The following CPE variants were observed in gnomAD, a reference collection of about 807,000 sequenced individuals.
CPE encodes the protein carbocypeptidase E.
CPE carries 17 observed loss-of-function variants against 53.5 expected under a neutral mutation model. The observed-to-expected ratio is 0.32, with a 90% CI of 0.22 to 0.48. The LOEUF (loss-of-function observed/expected upper bound fraction) is 0.48. Among genes scored for constraint, CPE ranks in the 20% least tolerant of loss-of-function variants. The pLI is 0.99. For synonymous variants in CPE, 226 were observed against 228.8 expected (o/e 0.99, Z 0.11); for missense variants, 524 against 614.7 (o/e 0.85, Z 1.56).
chr4:165,416,096 G>A (rs946483670), intron 1 of CPE, among the ~76,000 whole-genome samples: 8 of 152,208 alleles, frequency 5.3e-5, no homozygotes, highest in African/African-American at 1.9e-4. Flanking sequence ...TCCCCTGCCA[G>A]CTCAGCTACT....
At chr4:165,392,468 A>G (rs1730698799) in intron 1 of CPE, among the ~76,000 whole-genome samples, 1 of 145,940 alleles carries the variant, frequency 6.9e-6, no homozygotes, top group Non-Finnish European at 1.5e-5. Flanking sequence ...GTAATATGTA[A>G]TATACATATA....
Position 165,379,437 on chromosome 4 carries a change from C to T in CPE, c.216C>T (p.Ala72=). ...ALVSVWLQCT[A]ISRIYTVGRS... is the part of the protein sequence containing the mutation. ...TGTCCGTGTGGCTGCAGTGCACCGCCATCAGCAGGATTTACACGGTGGGGC... is the reference window on the plus strand; with the variant it reads ...TGTCCGTGTGGCTGCAGTGCACCGCTATCAGCAGGATTTACACGGTGGGGC... Residue 72 remains alanine, a synonymous_variant, in exon 1 of 9, where the codon GCC becomes GCT. Transcript: ENST00000402744. The surrounding 1 kb of genome is among the most constrained non-coding windows in gnomAD (Gnocchi z 6.0). The T allele has an allele frequency of 6.2e-7, 1 of 1,610,372 alleles. No homozygotes were observed. The highest frequency in any genetic ancestry group is 8.5e-7 in the Non-Finnish European group (1 of 1,178,814).
chr4:165,380,438 A>T (rs950570757), intron 1 of CPE, among the ~76,000 whole-genome samples: 1 of 152,200 alleles, frequency 6.6e-6, no homozygotes, highest in Admixed American at 6.5e-5. Flanking sequence ...TAGTATTAAT[A>T]AAGAGGTATT....
chr4:165,434,590 G>A (rs111453129), intron 1 of CPE, among the ~76,000 whole-genome samples: 1 of 151,970 alleles, frequency 6.6e-6, no homozygotes, highest in Admixed American at 6.6e-5. Context: ...TAAAGAACTC[G>A]GTGGAACGAT....
chr4:165,477,560 A>G (rs886068894), intron 3 of CPE, among the ~76,000 whole-genome samples: 4 of 152,100 alleles, frequency 2.6e-5, no homozygotes, highest in Admixed American at 2.6e-4. Flanking sequence ...CATTAATGTT[A>G]TTATACATTC....
chr4:165,394,257 G>T (rs1730729813), intron 1 of CPE, among the ~76,000 whole-genome samples: 1 of 152,158 alleles, frequency 6.6e-6, no homozygotes, highest in African/African-American at 2.4e-5. Context: ...ATCCAAGATT[G>T]CCCAAGGAAG....
intron 2 of CPE, among the ~76,000 whole-genome samples, chr4:165,466,707 G>A (rs1732110478): frequency 1.3e-5 from 2 of 151,766 alleles, no homozygotes; most frequent in Admixed American, 1.3e-4. Flanking sequence ...TATTAGAGAC[G>A]GGGTTTCATC....
chr4:165,469,777 G>A (rs1328330453), intron 3 of CPE, among the ~76,000 whole-genome samples: 1 of 152,188 alleles, frequency 6.6e-6, no homozygotes, highest in African/African-American at 2.4e-5. Context: ...GCAGTAGGCT[G>A]AGGGCCTGTT....
rs540833874 is a variant in CPE at position 165,435,248 on chromosome 4, C to T, written c.308-29142C>T. Among the ~76,000 whole-genome samples the T allele has an allele frequency of 2.0e-5, 3 of 152,252 alleles. No individual in the cohort carries two copies. The East Asian group carries it at 5.8e-4, about 29-fold the overall frequency. On this transcript the variant is annotated intron_variant, in intron 1 of 8. Coordinates refer to ENST00000402744, the MANE Select transcript of CPE (RefSeq NM_001873.4). Reference sequence around the variant, plus strand: ...AAAAAAGATGGAAAAGCAAGAGTCTCAAATAAGTTATACAGCCTCAATGAA... The same window carrying T: ...AAAAAAGATGGAAAAGCAAGAGTCTTAAATAAGTTATACAGCCTCAATGAA...
chr4:165,471,904 T>C (rs1462453140), intron 3 of CPE, among the ~76,000 whole-genome samples: 1 of 152,248 alleles, frequency 6.6e-6, no homozygotes, highest in African/African-American at 2.4e-5. Flanking sequence ...GTTTCTCCAA[T>C]TGTGCCTTGT....
chr4:165,430,304 G>T (rs188339313), intron 1 of CPE, among the ~76,000 whole-genome samples: 274 of 152,236 alleles, frequency 1.8e-3, no homozygotes, highest in African/African-American at 6.0e-3. Flanking sequence ...ATGTCACTTT[G>T]GGAAATTTGC....
intron 1 of CPE, among the ~76,000 whole-genome samples, chr4:165,432,802 G>T (rs562199093): frequency 9.9e-5 from 15 of 151,932 alleles, no homozygotes; most frequent in South Asian, 2.1e-4. Context: ...AGCGCAACCC[G>T]CCCCCAGCTG....
intron 1 of CPE, among the ~76,000 whole-genome samples, chr4:165,432,949 G>T (rs1385703483): frequency 1.3e-5 from 2 of 152,108 alleles, no homozygotes; most frequent in Non-Finnish European, 2.9e-5. Context: ...CGCCAACCTA[G>T]TCCAAGCCAA....
rs537370598 is a variant in CPE, at chr4:165,434,181, T to A, written c.308-30209T>A. 2.8e-4 allele frequency among the ~76,000 whole-genome samples: 42 copies of A among 152,334 alleles called. No homozygotes were observed. The South Asian group carries it at 8.5e-3, about 31-fold the overall frequency. On this transcript the variant is annotated intron_variant, in intron 1 of 8. Coordinates refer to ENST00000402744, the MANE Select transcript of CPE (RefSeq NM_001873.4). Reference sequence around the variant, plus strand: ...AATCTTTGTGTGACTGTCTAGCATTTAGCTCCTTGCTAAACTGTCAACTCC... The same window carrying A: ...AATCTTTGTGTGACTGTCTAGCATTAAGCTCCTTGCTAAACTGTCAACTCC...
At position 165,458,703 on chromosome 4, in the gene CPE, T is replaced by C. The variant is rs149501647; in HGVS notation, c.308-5687T>C. Among the ~76,000 whole-genome samples, 1,107 of 152,332 alleles carry C rather than the reference T, an allele frequency of 7.3e-3. 12 individuals are homozygous for C. The highest frequency in any genetic ancestry group is 0.025 in the African/African-American group (1,055 of 41,574). On this transcript the variant is annotated intron_variant, in intron 1 of 8. Transcript: ENST00000402744. ...TGGATATTTTCCCTCTGCTGTTTTC[T>C]TCCTATAGAAAGGCCATTGAATAAT...
intron 1 of CPE, among the ~76,000 whole-genome samples, chr4:165,431,802 T>A (rs567720031): frequency 6.6e-6 from 1 of 151,718 alleles, no homozygotes; most frequent in South Asian, 2.1e-4. Flanking sequence ...AGCCACAGAG[T>A]AATAAAAATA....
chr4:165,411,313 T>C (rs1289643750), intron 1 of CPE, among the ~76,000 whole-genome samples: 1 of 152,228 alleles, frequency 6.6e-6, no homozygotes, highest in African/African-American at 2.4e-5. Context: ...CAACTTTTTC[T>C]TTTTCAATCC....
intron 1 of CPE, among the ~76,000 whole-genome samples, chr4:165,382,236 G>A (rs1465298756): frequency 6.6e-6 from 1 of 152,086 alleles, no homozygotes; most frequent in East Asian, 1.9e-4. Flanking sequence ...AGGGAGACTG[G>A]ATTATTGAAG....
chr4:165,467,481 A>G (rs890317013), intron 2 of CPE, among the ~76,000 whole-genome samples: 2 of 152,236 alleles, frequency 1.3e-5, no homozygotes, highest in Admixed American at 6.5e-5. Flanking sequence ...GTGGTAAGAA[A>G]TGTCATTATG....
Sources: allele counts gnomAD v4.1 joint callset (sites outside exome capture counted in the v4.1 genomes callset), GRCh38; gene constraint gnomAD v4.1.1; non-coding constraint Gnocchi (gnomAD v3.1); transcripts MANE v1.5; gene names NCBI Gene and HGNC (gene_info 2026-07-23, HGNC 2026-07-21).